Variants in ENC1 observed in about 807,000 individuals in gnomAD.
ENC1 encodes the protein ectodermal-neural cortex 1, also known as ectoderm-neural cortex protein 1.
ENC1 carries 19 observed loss-of-function variants against 40.9 expected under a neutral mutation model. That is an observed-to-expected ratio of 0.46 (90% confidence interval 0.32 to 0.68). The LOEUF (loss-of-function observed/expected upper bound fraction) is 0.68, where lower values mean the gene tolerates loss of function less well. Among genes scored for constraint, ENC1 ranks in the 30% least tolerant of loss-of-function variants. The pLI is 0.03. For synonymous variants in ENC1, 285 were observed against 291.1 expected, an observed-to-expected ratio of 0.98 and a Z score of 0.21; for missense variants, 479 against 737.5, an observed-to-expected ratio of 0.65 and a Z score of 4.06.
Position 74,636,749 on chromosome 5 carries a change from C to T in ENC1, c.-13-251G>A, listed in dbSNP as rs967382442. Among the ~76,000 whole-genome samples the T allele has an allele frequency of 4.2e-4, 63 of 151,410 alleles. No homozygotes were observed. Among genetic ancestry groups the T allele is most frequent in the Admixed American group, 3.9e-3 (59 of 15,214 alleles). ...TTTAAAAAAAAAAAAAAAATCACTGCATAAAAAGCAGGTTCATCTTGGAAA... is the reference window on the plus strand; with the variant it reads ...TTTAAAAAAAAAAAAAAAATCACTGTATAAAAAGCAGGTTCATCTTGGAAA... On this transcript the variant is annotated intron_variant, in intron 1 of 2. Transcript: ENST00000302351. The surrounding 1 kb of genome is among the most constrained non-coding windows in gnomAD (Gnocchi z 4.8).
intron 2 of ENC1, among the ~76,000 whole-genome samples, chr5:74,634,179 C>T (rs988514858): frequency 2.0e-5 from 3 of 151,944 alleles, no homozygotes; most frequent in African/African-American, 4.8e-5. Context: ...TTTGTGAGGC[C>T]GAGGCGGGCG....
intron 1 of ENC1, among the ~76,000 whole-genome samples, chr5:74,638,158 C>T (rs560709991): frequency 7.2e-5 from 11 of 152,320 alleles, no homozygotes; most frequent in Non-Finnish European, 1.2e-4. Flanking sequence ...GTCCCAAAAG[C>T]GCAGCTGAAA....
chr5:74,629,465 A>C lies in ENC1; in HGVS notation c.*560T>G, dbSNP rs1281971461. On this transcript the variant is annotated 3_prime_UTR_variant, in exon 3 of 3. Coordinates refer to ENST00000302351, the MANE Select transcript of ENC1 (RefSeq NM_003633.4). ...ACCAACAAAGTCCCCATTGTTCAGA[A>C]ACGTTCCTGGGGAGCAGACCCCTTA... The C allele has an allele frequency of 6.6e-6, 1 of 152,352 alleles. No homozygotes were observed. The highest frequency in any genetic ancestry group is 1.9e-4 in the East Asian group (1 of 5,186). The allele number at this position is 152,352 out of a possible 1,614,324, so 9.4% of individuals were successfully genotyped here.
Position 74,632,190 on chromosome 5 carries a change from T to G in ENC1, c.*33-2198A>C, listed in dbSNP as rs544006207. ...TGTCATTTTTTATGTACCACCACCC[T>G]GGTAGCAATTTTTATGGCTCTTCTG... is the stretch of plus-strand genomic sequence containing the variant. On this transcript the variant is annotated intron_variant, in intron 2 of 2. Transcript: ENST00000302351. 35 of 152,358 alleles carry G rather than the reference T, an allele frequency of 2.3e-4. 1 individual carries two copies. The East Asian group carries it at 6.8e-3, about 29-fold the overall frequency. 9.4% of individuals were successfully genotyped at this position (152,358 alleles called of 1,614,324 possible). A position where few individuals can be genotyped will look rare whatever the true frequency, so the allele number is the denominator to read the frequency against.
At chr5:74,639,604 A>G (rs533992287) in intron 1 of ENC1, among the ~76,000 whole-genome samples, 140 of 152,330 alleles carry the variant, frequency 9.2e-4, no homozygotes, top group African/African-American at 3.2e-3. Context: ...ACAATAGAAC[A>G]TTATAAAGAT....
chr5:74,628,653 G>A lies in ENC1; in HGVS notation c.*1372C>T, dbSNP rs1411992942. The A allele has an allele frequency of 6.6e-6, 1 of 152,208 alleles. No individual in the cohort carries two copies. Among genetic ancestry groups the A allele is most frequent in the East Asian group, 1.9e-4 (1 of 5,192 alleles). 9.4% of individuals were successfully genotyped at this position (152,208 alleles called of 1,614,324 possible). ...AGAGATTTGCCTACGGGTGAGCACT[G>A]AAGTATACATTGTGCCAATGTAATT... On this transcript the variant is annotated 3_prime_UTR_variant, in exon 3 of 3. Coordinates refer to ENST00000302351, the MANE Select transcript of ENC1 (RefSeq NM_003633.4).
chr5:74,634,680 T>C lies in ENC1; in HGVS notation c.*32+4A>G, dbSNP rs1471777526. ...ATACTTACATCTATAGCTAAACTTC[T>C]TACCTCATGCTCACTCTCTTTAGAA... On this transcript the variant is annotated splice_donor_region_variant and intron_variant, in intron 2 of 2. Transcript: ENST00000302351. 7.0e-7 allele frequency: 1 copy of C among 1,428,850 alleles called. No homozygotes were observed. The highest frequency in any genetic ancestry group is 9.8e-7 in the Non-Finnish European group (1 of 1,021,956). 88.5% of individuals were successfully genotyped at this position (1,428,850 alleles called of 1,614,324 possible).
At position 74,634,688 on chromosome 5, in the gene ENC1, T is replaced by G; in HGVS notation, c.*28A>C. On this transcript the variant is annotated 3_prime_UTR_variant, in exon 2 of 3. Coordinates refer to ENST00000302351, the MANE Select transcript of ENC1 (RefSeq NM_003633.4). ...ATCTATAGCTAAACTTCTTACCTCA[T>G]GCTCACTCTCTTTAGAATGTACTGC... 1 of 1,497,094 alleles carries G rather than the reference T, an allele frequency of 6.7e-7. No homozygotes were observed. The highest frequency in any genetic ancestry group is 1.2e-5 in the South Asian group (1 of 86,594). 92.7% of individuals were successfully genotyped at this position (1,497,094 alleles called of 1,614,324 possible).
intron 2 of ENC1, among the ~76,000 whole-genome samples, chr5:74,632,494 T>C (rs775362504): frequency 6.6e-6 from 1 of 152,234 alleles, no homozygotes; most frequent in African/African-American, 2.4e-5. Context: ...CAGGAAAGCA[T>C]GACATAACTC....
Position 74,629,706 on chromosome 5 carries a change from C to A in ENC1, c.*319G>T, listed in dbSNP as rs1042982729. The A allele has an allele frequency of 1.3e-5, 2 of 152,176 alleles. No individual in the cohort carries two copies. The allele number at this position is 152,176 out of a possible 1,614,324, so 9.4% of individuals were successfully genotyped here. A position where few individuals can be genotyped will look rare whatever the true frequency, so the allele number is the denominator to read the frequency against. ...AATATGGTACAGCAAGGGAAAAGGT[C>A]CAGCTTTTCTCTCCCTTTGAGGGGC... On this transcript the variant is annotated 3_prime_UTR_variant, in exon 3 of 3. Coordinates refer to ENST00000302351, the MANE Select transcript of ENC1 (RefSeq NM_003633.4).
intron 2 of ENC1, among the ~76,000 whole-genome samples, chr5:74,633,097 A>C (rs1467331043): frequency 6.6e-6 from 1 of 152,212 alleles, no homozygotes; most frequent in African/African-American, 2.4e-5. Flanking sequence ...TAGTTCCTCC[A>C]AAGCAGTTAC....
chr5:74,635,690 C>A lies in ENC1; in HGVS notation c.796G>T (p.Val266Leu). 1 of 1,614,204 alleles carries A rather than the reference C, an allele frequency of 6.2e-7. No individual in the cohort carries two copies. Among genetic ancestry groups the A allele is most frequent in the Non-Finnish European group, 8.5e-7 (1 of 1,180,022 alleles). Residue 266 changes from valine to leucine, a missense_variant, in exon 2 of 3, where the codon GTG (valine) becomes TTG (leucine). Transcript: ENST00000302351. The surrounding 1 kb of genome is among the most constrained non-coding windows in gnomAD (Gnocchi z 5.5). ...AGTTTGCACCTGATGGCCTCTTCCACAATTTCCTTACTCTTTCTCTGCTTG... is the reference window on the plus strand; with the variant it reads ...AGTTTGCACCTGATGGCCTCTTCCAAAATTTCCTTACTCTTTCTCTGCTTG... ...ITKQRKSKEI[V>L]EEAIRCKLKI...
chr5:74,635,834 TC>T lies in ENC1; in HGVS notation c.651del (p.Trp217Ter). 6.2e-7 allele frequency: 1 copy of T among 1,613,998 alleles called. No individual in the cohort carries two copies. On this transcript the variant is annotated frameshift_variant, in exon 2 of 3. Transcript: ENST00000302351. LOFTEE classifies it high-confidence loss of function. The surrounding 1 kb of genome is among the most constrained non-coding windows in gnomAD (Gnocchi z 5.5). ...TAGCGCTTCTTCAGGTCATAGCTGA[TC>T]CAGTTAATTGCAGACTCGTACACAA... ...ERLVYESAINWISYDLKKRYC... is the reference protein window; with the variant it reads ...ERLVYESAINXISYDLKKRYC...
At position 74,635,060 on chromosome 5, in the gene ENC1, C is replaced by A; in HGVS notation, c.1426G>T (p.Ala476Ser). The A allele has an allele frequency of 6.2e-7, 1 of 1,613,978 alleles. No homozygotes were observed. The highest frequency in any genetic ancestry group is 8.5e-7 in the Non-Finnish European group (1 of 1,179,818). ...DQCENRWTVP[A>S]TCPQPWRYTA... ...TAACGCCAGGGCTGGGGACAGGTGG[C>A]CGGTACAGTCCACCTGTTTTCACAC... Residue 476 changes from alanine (A) to serine (S), a missense_variant, in exon 2 of 3, where the codon GCC (alanine) becomes TCC (serine). By Grantham distance (99) the Ala-to-Ser change is moderately conservative. Coordinates refer to ENST00000302351, the MANE Select transcript of ENC1 (RefSeq NM_003633.4). This position sits in a 1 kb window ranked among gnomAD's most constrained non-coding sequence, Gnocchi z 5.5.
In ENC1 at chr5:74,636,309, G is replaced by T; in HGVS notation, c.177C>A (p.Cys59Ter). ...LLHAGNRTFP[C>*]HRAVLAACSR... The stretch of plus-strand genomic sequence containing the variant: ...TGCATGCAGCCAGCACTGCCCGGTG[G>T]CAAGGGAAGGTCCTATTTCCGGCAT... The change falls in exon 2 of 3, where the codon TGC (cysteine) becomes TGA (stop). Residue 59 changes from cysteine to a stop codon, truncating the protein, a stop_gained. Coordinates refer to ENST00000302351, the MANE Select transcript of ENC1 (RefSeq NM_003633.4). LOFTEE classifies it high-confidence loss of function. This position sits in a 1 kb window ranked among gnomAD's most constrained non-coding sequence, Gnocchi z 4.8. 1 of 1,614,172 alleles carries T rather than the reference G, an allele frequency of 6.2e-7. No individual in the cohort carries two copies. The highest frequency in any genetic ancestry group is 8.5e-7 in the Non-Finnish European group (1 of 1,180,040).
Position 74,627,750 on chromosome 5 carries a change from G to T in ENC1, c.*2275C>A, listed in dbSNP as rs1302377619. On this transcript the variant is annotated 3_prime_UTR_variant, in exon 3 of 3. Coordinates refer to ENST00000302351, the MANE Select transcript of ENC1 (RefSeq NM_003633.4). ...AGAACCTTCTCTGTCTTATGCCAAG[G>T]TTTTTGTGTGTACTGTGCTGTGAAT... 6.6e-6 allele frequency: 1 copy of T among 152,644 alleles called. No individual in the cohort carries two copies. Among genetic ancestry groups the T allele is most frequent in the Non-Finnish European group, 1.5e-5 (1 of 68,046 alleles). The allele number at this position is 152,644 out of a possible 1,614,324, so 9.5% of individuals were successfully genotyped here. A position where few individuals can be genotyped will look rare whatever the true frequency, so the allele number is the denominator to read the frequency against.
chr5:74,634,538 G>A (rs1580347546), intron 2 of ENC1, 146 bp downstream of exon 2: 5 of 595,958 alleles, frequency 8.4e-6, no homozygotes, highest in Non-Finnish European at 1.2e-5. Context: ...AAGTGGATAA[G>A]TTCTAGGGGC....
intron 2 of ENC1, chr5:74,632,203 T>G (rs1476379928): frequency 6.6e-6 from 1 of 152,246 alleles, no homozygotes; most frequent in Non-Finnish European, 1.5e-5. Flanking sequence ...TAGCAATTTT[T>G]ATGGCTCTTC....
chr5:74,628,116 G>A lies in ENC1; in HGVS notation c.*1909C>T, dbSNP rs1747263977. The stretch of plus-strand genomic sequence containing the variant: ...CCCACTGGGGGACAATTAGACATTT[G>A]CATTGCTTAGAACACATCTAGGAAC... On this transcript the variant is annotated 3_prime_UTR_variant, in exon 3 of 3. Coordinates refer to ENST00000302351, the MANE Select transcript of ENC1 (RefSeq NM_003633.4). The A allele has an allele frequency of 6.6e-6, 1 of 152,576 alleles. No homozygotes were observed. The highest frequency in any genetic ancestry group is 1.5e-5 in the Non-Finnish European group (1 of 68,042). The allele number at this position is 152,576 out of a possible 1,614,324, so 9.5% of individuals were successfully genotyped here. A position where few individuals can be genotyped will look rare whatever the true frequency, so the allele number is the denominator to read the frequency against.
Sources: gnomAD v4.1 joint callset for allele counts (sites outside exome capture counted in the v4.1 genomes callset) on GRCh38, gnomAD v4.1.1 for gene constraint, Gnocchi (gnomAD v3.1) non-coding constraint, MANE v1.5 for transcripts, NCBI Gene and HGNC (gene_info 2026-07-23, HGNC 2026-07-21) for gene names.